The following SAMD12 variants were observed in gnomAD, a reference collection of about 807,000 sequenced individuals.
SAMD12 encodes sterile alpha motif domain containing 12.
Under a neutral mutation model 15.0 loss-of-function variants are expected in SAMD12, and 9 were observed. That is an observed-to-expected ratio of 0.60 (90% confidence interval 0.36 to 1.05). The LOEUF (loss-of-function observed/expected upper bound fraction) is 1.05, where lower values mean the gene tolerates loss of function less well. Ranked by LOEUF, SAMD12 falls within the 50% of genes least tolerant of loss-of-function variation. SAMD12 has a pLI of 0.01. For missense variants in SAMD12, 230 were observed against 234.2 expected, an observed-to-expected ratio of 0.98 and a Z score of 0.12; for synonymous variants, 86 against 90.1, an observed-to-expected ratio of 0.96 and a Z score of 0.25.
chr8:118,152,112 A>G, the SAMD12 span, among the ~76,000 whole-genome samples: 2 of 152,200 alleles, frequency 1.3e-5, no homozygotes, highest in Non-Finnish European at 2.9e-5. Context: ...AGGGTTCAGA[A>G]AAGAGCAGAA....
chr8:118,429,039 A>G (rs1822319652), intron 3 of SAMD12, among the ~76,000 whole-genome samples: 1 of 152,320 alleles, frequency 6.6e-6, no homozygotes, highest in East Asian at 1.9e-4. Context: ...TAATGGACAT[A>G]ATTTTAACAT....
At chr8:118,555,852 T>C (rs1440544348) in intron 2 of SAMD12, among the ~76,000 whole-genome samples, 3 of 152,208 alleles carry the variant, frequency 2.0e-5, no homozygotes, top group African/African-American at 4.8e-5. Flanking sequence ...TCTTTCCAAC[T>C]GCAATGTAAA....
intron 2 of SAMD12, among the ~76,000 whole-genome samples, chr8:118,444,070 T>C (rs1394862456): frequency 1.3e-5 from 2 of 152,296 alleles, no homozygotes; most frequent in Non-Finnish European, 2.9e-5. Flanking sequence ...AGGATGACTT[T>C]CTCTGATATG....
the SAMD12 span, among the ~76,000 whole-genome samples, chr8:118,165,917 A>G: frequency 1.4e-4 from 21 of 152,058 alleles, no homozygotes; most frequent in Non-Finnish European, 2.4e-4. Flanking sequence ...TGTCCTTGAA[A>G]AAGGTCCGCT....
intron 4 of SAMD12, among the ~76,000 whole-genome samples, chr8:118,213,533 A>G (rs1390623903): frequency 2.6e-5 from 4 of 152,200 alleles, no homozygotes; most frequent in Non-Finnish European, 4.4e-5. Context: ...CCCCAATGAT[A>G]GTATGTATGG....
chr8:118,154,646 A>G, the SAMD12 span, among the ~76,000 whole-genome samples: 12 of 152,196 alleles, frequency 7.9e-5, 1 homozygote, highest in Admixed American at 2.6e-4. Flanking sequence ...AGCTCATACC[A>G]TTAAATTTTA....
At chr8:118,518,828 G>A (rs1221880210) in intron 2 of SAMD12, among the ~76,000 whole-genome samples, 1 of 152,142 alleles carries the variant, frequency 6.6e-6, no homozygotes, top group East Asian at 1.9e-4. Context: ...CATGTTCCTG[G>A]AATGCACAGC....
At chr8:118,386,747 T>G (rs1819984664) in intron 3 of SAMD12, among the ~76,000 whole-genome samples, 1 of 152,160 alleles carries the variant, frequency 6.6e-6, no homozygotes, top group Non-Finnish European at 1.5e-5. Flanking sequence ...CAGGTGCCCT[T>G]CATCTTTTGC....
chr8:118,197,482 T>A, exon 5 of SAMD12: 2 of 590,970 alleles, frequency 3.4e-6, no homozygotes, highest in South Asian at 2.1e-5. Flanking sequence ...CAATGACCAC[T>A]TGGAATGAGT....
rs1238932266 is a variant in SAMD12, at chr8:118,549,532, T to C, written c.192+31183A>G. Reference sequence around the variant, plus strand: ...CATCCACACCAAAAACCCATCTGTATATCTCCATCATCAGAGGCCAAAAGT... The same window carrying C: ...CATCCACACCAAAAACCCATCTGTACATCTCCATCATCAGAGGCCAAAAGT... On this transcript the variant is annotated intron_variant, in intron 2 of 3. Coordinates refer to ENST00000314727, the MANE Select transcript of SAMD12 (RefSeq NM_207506.3). Among the ~76,000 whole-genome samples, 5 of 152,164 alleles carry C rather than the reference T, an allele frequency of 3.3e-5. No homozygotes were observed. In the South Asian group the frequency reaches 8.3e-4, roughly 25 times the overall value.
At chr8:118,318,726 T>A (rs533625644) in intron 4 of SAMD12, among the ~76,000 whole-genome samples, 3 of 152,116 alleles carry the variant, frequency 2.0e-5, no homozygotes, top group Admixed American at 1.3e-4. Context: ...AAAAAAAATA[T>A]TAAATTGCTT....
chr8:118,525,562 T>C (rs1825514737), intron 2 of SAMD12, among the ~76,000 whole-genome samples: 1 of 152,162 alleles, frequency 6.6e-6, no homozygotes, highest in Non-Finnish European at 1.5e-5. Context: ...CAAAAGTGCA[T>C]CAGGTGCTTC....
At chr8:118,605,167 G>A (rs1244221188) in intron 1 of SAMD12, among the ~76,000 whole-genome samples, 2 of 152,014 alleles carry the variant, frequency 1.3e-5, no homozygotes, top group Admixed American at 6.5e-5. Context: ...CCTTGACAAC[G>A]ACCATCAAAA....
the SAMD12 span, among the ~76,000 whole-genome samples, chr8:118,164,960 T>A: frequency 5.4e-5 from 8 of 147,648 alleles, no homozygotes; most frequent in Admixed American, 2.1e-4. Flanking sequence ...GTCAATATTT[T>A]GCTTCTGACA....
At chr8:118,291,546 A>G (rs1230056407) in intron 4 of SAMD12, among the ~76,000 whole-genome samples, 1 of 152,112 alleles carries the variant, frequency 6.6e-6, no homozygotes, top group East Asian at 1.9e-4. Flanking sequence ...ACTGAGCCCA[A>G]ATCAGGCGAG....
At chr8:118,301,606 T>C (rs770376532) in intron 4 of SAMD12, among the ~76,000 whole-genome samples, 4 of 152,246 alleles carry the variant, frequency 2.6e-5, no homozygotes, top group Non-Finnish European at 5.9e-5. Context: ...AATGTATGCA[T>C]AGGCAAACTG....
chr8:118,435,397 T>A lies in SAMD12; in HGVS notation c.322+4435A>T, dbSNP rs189741364. On this transcript the variant is annotated intron_variant, in intron 3 of 3. Transcript: ENST00000314727. Reference sequence around the variant, plus strand: ...CATAGGTATGTATGTATACACTATATAAATAGTGTTTAGTAATATCTATGG... The same window carrying A: ...CATAGGTATGTATGTATACACTATAAAAATAGTGTTTAGTAATATCTATGG... 2.9e-3 allele frequency among the ~76,000 whole-genome samples: 441 copies of A among 152,346 alleles called. 1 individual carries two copies. The highest frequency in any genetic ancestry group is 0.01 in the African/African-American group (418 of 41,580).
At chr8:118,239,279 T>C (rs2129960006) in intron 4 of SAMD12, among the ~76,000 whole-genome samples, 1 of 152,264 alleles carries the variant, frequency 6.6e-6, no homozygotes, top group Middle Eastern at 3.4e-3. Context: ...TGTTAGGCAC[T>C]AGGAATATAG....
At chr8:118,389,983 T>G (rs533497680) in intron 3 of SAMD12, among the ~76,000 whole-genome samples, 1 of 152,184 alleles carries the variant, frequency 6.6e-6, no homozygotes, top group East Asian at 1.9e-4. Flanking sequence ...TGGGTCATAG[T>G]TGGTTTACAA....
Sources: gnomAD v4.1 joint callset for allele counts (sites outside exome capture counted in the v4.1 genomes callset) on GRCh38, gnomAD v4.1.1 for gene constraint, MANE v1.5 for transcripts, NCBI Gene and HGNC (gene_info 2026-07-23, HGNC 2026-07-21) for gene names.